MACF1: variants seen among roughly 807,000 people sequenced by gnomAD.
MACF1 encodes microtubule actin crosslinking factor 1, also known as microtubule-actin cross-linking factor 1.
In MACF1, 193 loss-of-function variants were observed where a neutral mutation model predicts 854.8. That is an observed-to-expected ratio of 0.23 (90% confidence interval 0.20 to 0.25). MACF1 has a LOEUF of 0.25. MACF1 is among the 10% of genes least tolerant of loss of function. The pLI, the probability that MACF1 is intolerant of heterozygous loss-of-function variation, is 1.00. For synonymous variants in MACF1, 3,185 were observed against 3,226.7 expected (o/e 0.99, Z 0.44); for missense variants, 7,722 against 8,929.1 (o/e 0.86, Z 5.45).
rs1646779031 is a variant in MACF1 at position 39,334,543 on chromosome 1, T to C, written c.7955T>C (p.Phe2652Ser). The C allele has an allele frequency of 6.2e-7, 1 of 1,614,126 alleles. No homozygotes were observed. Among genetic ancestry groups the C allele is most frequent in the Non-Finnish European group, 8.5e-7 (1 of 1,180,016 alleles). Residue 2652 changes from phenylalanine (F) to serine (S), a missense_variant, in exon 37 of 101, where the codon TTC (phenylalanine) becomes TCC (serine). By Grantham distance (155) the Phe-to-Ser change is radical (BLOSUM62 -2). Coordinates refer to ENST00000564288, the MANE Select transcript of MACF1 (RefSeq NM_001394062.1). ...SGQRYLEVIP[F>S]SDIKDGVSDK... ...CAGAGATATCTAGAAGTAATTCCCTTCTCAGACATTAAAGATGGGGTGAGC... is the reference window on the plus strand; with the variant it reads ...CAGAGATATCTAGAAGTAATTCCCTCCTCAGACATTAAAGATGGGGTGAGC...
chr1:39,102,604 C>T lies in MACF1; in HGVS notation c.220+18166C>T, dbSNP rs949330834. The T allele has an allele frequency of 3.3e-5, 20 of 605,366 alleles. No homozygotes were observed. In the Admixed American group the frequency reaches 4.1e-4, roughly 12 times the overall value. The allele number at this position is 605,366 out of a possible 1,614,324, so 37.5% of individuals were successfully genotyped here. On this transcript the variant is annotated intron_variant, in intron 2 of 93. Transcript: ENST00000361689. ...AGGCGCTGAAAGAAATAGAAAGTGG[C>T]AGGGCTTTAGGGATAGGGGTATTTG... is the stretch of plus-strand genomic sequence containing the variant.
At position 39,311,019 on chromosome 1, in the gene MACF1, G is replaced by A; in HGVS notation, c.3270+19G>A. 1 of 1,603,066 alleles carries A rather than the reference G, an allele frequency of 6.2e-7. No individual in the cohort carries two copies. Among genetic ancestry groups the A allele is most frequent in the South Asian group, 1.1e-5 (1 of 89,452 alleles). On this transcript the variant is annotated intron_variant, in intron 26 of 100. Transcript: ENST00000564288. ...GCAAGAGGTAAGCCCTAAGAGCCAT[G>A]TGGATGCTGGTTGTGGAGTGAATGC...
chr1:39,305,747 C>T lies in MACF1; in HGVS notation c.2789+2669C>T, dbSNP rs72661952. ...TGCTACTCTCCTTGCTTGTACTTAG[C>T]TGCAGTCACTCTGGTCTTTCCTCTG... On this transcript the variant is annotated intron_variant, in intron 23 of 100. Transcript: ENST00000564288. Among the ~76,000 whole-genome samples the T allele has an allele frequency of 5.1e-3, 780 of 152,248 alleles. 4 individuals carry two copies. Among genetic ancestry groups the T allele is most frequent in the Admixed American group, 0.011 (175 of 15,292 alleles).
intron 2 of MACF1, among the ~76,000 whole-genome samples, chr1:39,085,346 T>C (rs1641644871): frequency 6.6e-6 from 1 of 152,246 alleles, no homozygotes; most frequent in African/African-American, 2.4e-5. Flanking sequence ...GCTCAGCATC[T>C]CAGCAGGGTG....
At chr1:39,331,169 T>G in intron 36 of MACF1, 34 bp from the exon 37 acceptor site, 1 of 1,459,356 alleles carries the variant, frequency 6.9e-7, no homozygotes, top group East Asian at 2.5e-5. Context: ...TTCTTCTCTT[T>G]TCCTTTTTTT....
rs200132996 is a variant in MACF1, at chr1:39,439,362, C to G, written c.18309C>G (p.Val6103=). The G allele has an allele frequency of 5.0e-6, 8 of 1,613,996 alleles. No individual in the cohort carries two copies. In the Admixed American group the frequency reaches 5.0e-5, roughly 10 times the overall value. Residue 6103 remains valine (V), a synonymous_variant, in exon 72 of 101, where the codon GTC becomes GTG. Coordinates refer to ENST00000564288, the MANE Select transcript of MACF1 (RefSeq NM_001394062.1). ...AACGAGAAATCAAATTTCTTGATGTCCTTGAATTAGCAGAGAAGTTCTGGT... is the reference window on the plus strand; with the variant it reads ...AACGAGAAATCAAATTTCTTGATGTGCTTGAATTAGCAGAGAAGTTCTGGT... ...AEEREIKFLD[V]LELAEKFWYD...
chr1:39,278,330 C>T (rs1014319243), intron 6 of MACF1, among the ~76,000 whole-genome samples: 13 of 152,296 alleles, frequency 8.5e-5, no homozygotes, highest in African/African-American at 3.1e-4. Flanking sequence ...AGTTTCCAGT[C>T]TAGGTAATGG....
In MACF1 at chr1:39,428,151, T is replaced by A. The variant is rs201218871; in HGVS notation, c.16667T>A (p.Leu5556Gln). Reference sequence around the variant, plus strand: ...AAGGCAGCCCTACTTGACCAAGCTCTGTCTAATGCTAGGCTGTTTGGGGAG... The same window carrying A: ...AAGGCAGCCCTACTTGACCAAGCTCAGTCTAATGCTAGGCTGTTTGGGGAG... ...CRKAALLDQA[L>Q]SNARLFGEDE... Residue 5556 changes from leucine (L) to glutamine (Q), a missense_variant, in exon 63 of 101, where the codon CTG becomes CAG. Around this residue, in one of 15 missense-constraint regions of MACF1, gnomAD observed 2,807 missense variants for 3,235.8 expected, o/e 0.87. Coordinates refer to ENST00000564288, the MANE Select transcript of MACF1 (RefSeq NM_001394062.1). 9.3e-6 allele frequency: 15 copies of A among 1,614,218 alleles called. No homozygotes were observed. The East Asian group carries it at 2.0e-4, about 22-fold the overall frequency.
Position 39,251,864 on chromosome 1 carries a change from A to G in MACF1, c.280A>G (p.Thr94Ala). ...GIKLEPAGLK[T>A]LRLVSMPSWC... ...GCCAAAGGAGCCAGCAGGGCTGAAG[A>G]CCCTCCGTCTGGTGAGCATGCCCTC... Residue 94 changes from threonine to alanine, a missense_variant, in exon 4 of 101, where the codon ACC becomes GCC. Thr to Ala is a moderately conservative substitution (Grantham distance 58). Coordinates refer to ENST00000564288, the MANE Select transcript of MACF1 (RefSeq NM_001394062.1). 2.7e-6 allele frequency: 4 copies of G among 1,483,784 alleles called. No homozygotes were observed. The highest frequency in any genetic ancestry group is 2.7e-6 in the Non-Finnish European group (3 of 1,119,680). 91.9% of individuals were successfully genotyped at this position (1,483,784 alleles called of 1,614,324 possible). A position where few individuals can be genotyped will look rare whatever the true frequency, so the allele number is the denominator to read the frequency against.
intron 23 of MACF1, among the ~76,000 whole-genome samples, chr1:39,306,628 T>A (rs1304095244): frequency 2.1e-5 from 2 of 94,884 alleles, no homozygotes; most frequent in Non-Finnish European, 4.8e-5. Context: ...TTTTTTTTTT[T>A]AGTCCGGACC....
At chr1:39,400,289 T>C (rs1642425191) in intron 58 of MACF1, among the ~76,000 whole-genome samples, 1 of 152,208 alleles carries the variant, frequency 6.6e-6, no homozygotes, top group Non-Finnish European at 1.5e-5. Flanking sequence ...ACTTAACCTC[T>C]CTGAATCTTA....
chr1:39,109,949 G>A (rs1571050968), intron 2 of MACF1, among the ~76,000 whole-genome samples: 1 of 152,106 alleles, frequency 6.6e-6, no homozygotes, highest in South Asian at 2.1e-4. Context: ...TCTGAACTGT[G>A]GAGAATTTCT....
chr1:39,129,557 T>C (rs1406525460), intron 2 of MACF1, among the ~76,000 whole-genome samples: 1 of 152,148 alleles, frequency 6.6e-6, no homozygotes, highest in Non-Finnish European at 1.5e-5. Flanking sequence ...ATTTAGGAAA[T>C]CCAGGAGAAA....
upstream of MACF1, among the ~76,000 whole-genome samples, chr1:39,203,116 T>C (rs1644412321): frequency 6.6e-6 from 1 of 152,072 alleles, no homozygotes. Context: ...TAGAAAAAAA[T>C]AAACTTGACA....
intron 2 of MACF1, among the ~76,000 whole-genome samples, chr1:39,198,439 T>C (rs1571163425): frequency 6.7e-6 from 1 of 149,396 alleles, no homozygotes; most frequent in African/African-American, 2.5e-5. Flanking sequence ...GATCATGAGG[T>C]CAGGAGTTCG....
chr1:39,452,849 C>G (rs757916782), intron 87 of MACF1, 37 bp downstream of exon 87: 1 of 1,606,202 alleles, frequency 6.2e-7, no homozygotes, highest in South Asian at 1.1e-5. Flanking sequence ...CTCATGCTAC[C>G]TACCACCTTG....
At chr1:39,244,845 C>T (rs1039072973) in intron 2 of MACF1, among the ~76,000 whole-genome samples, 2 of 152,136 alleles carry the variant, frequency 1.3e-5, no homozygotes, top group Admixed American at 6.5e-5. Flanking sequence ...TCCCAAAGTG[C>T]TGGGATTACA....
intron 56 of MACF1, among the ~76,000 whole-genome samples, chr1:39,383,794 A>G (rs932329127): frequency 2.0e-5 from 3 of 151,866 alleles, no homozygotes; most frequent in Non-Finnish European, 2.9e-5. Flanking sequence ...GGAGAATGGC[A>G]TGAACTCGGG....
At chr1:39,203,794 C>T (rs1325570320), upstream of MACF1, among the ~76,000 whole-genome samples, 1 of 152,088 alleles carries the variant, frequency 6.6e-6, no homozygotes, top group African/African-American at 2.4e-5. Flanking sequence ...TATTTTATTG[C>T]AGAATAGGTA....
Sources: gnomAD v4.1 joint callset for allele counts (sites outside exome capture counted in the v4.1 genomes callset) on GRCh38, gnomAD v4.1.1 for gene constraint, gnomAD v4.1.1 regional missense constraint, MANE v1.5 for transcripts, NCBI Gene and HGNC (gene_info 2026-07-23, HGNC 2026-07-21) for gene names.